The following QKI variants were observed in gnomAD, a reference collection of about 807,000 sequenced individuals.
The protein encoded by QKI is QKI, KH domain containing RNA binding, also known as KH domain-containing RNA-binding protein QKI.
A neutral mutation model predicts 39.0 loss-of-function variants in QKI; 10 were observed. The observed-to-expected ratio is 0.26, with a 90% CI of 0.16 to 0.43. The LOEUF is 0.43. Among genes scored for constraint, QKI ranks in the 20% least tolerant of loss-of-function variants. The pLI is 1.00. For missense variants in QKI, 218 were observed against 428.0 expected (o/e 0.51, Z 4.33); for synonymous variants, 204 against 155.4 (o/e 1.31, Z -2.33).
At chr6:163,415,382 G>T in intron 1 of QKI, 47 bp downstream of exon 1, 1 of 1,546,152 alleles carries the variant, frequency 6.5e-7, no homozygotes, top group Non-Finnish European at 8.8e-7. Flanking sequence ...CCGCCGGGGC[G>T]GCCCCTTTCC....
rs1012724111 is a variant in QKI, at chr6:163,572,139, T to C, written c.*1429T>C. ...CTTTAAAAGAATAGTTTAATACTTT[T>C]GGTTATTCCAATCTTCAATGTTAAC... is the stretch of plus-strand genomic sequence containing the variant. On this transcript the variant is annotated 3_prime_UTR_variant, in exon 8 of 8. Transcript: ENST00000361752. 2 of 152,262 alleles carry C rather than the reference T, an allele frequency of 1.3e-5. No homozygotes were observed. Among genetic ancestry groups the C allele is most frequent in the African/African-American group, 2.4e-5 (1 of 41,482 alleles). 9.4% of individuals were successfully genotyped at this position (152,262 alleles called of 1,614,324 possible).
chr6:163,456,398 A>G (rs549979343), intron 2 of QKI, among the ~76,000 whole-genome samples: 2 of 152,310 alleles, frequency 1.3e-5, no homozygotes, highest in African/African-American at 2.4e-5. Context: ...ATTGGCACAT[A>G]ATAGGTAACA....
intron 3 of QKI, among the ~76,000 whole-genome samples, chr6:163,532,389 TTTC>T (rs1780922007): frequency 6.6e-6 from 1 of 152,244 alleles, no homozygotes; most frequent in East Asian, 1.9e-4. Context: ...GTATTGCATT[TTTC>T]TTGCTGCTTT....
intron 4 of QKI, among the ~76,000 whole-genome samples, chr6:163,550,962 A>AG (rs1554277519): frequency 6.6e-6 from 1 of 150,910 alleles, no homozygotes; most frequent in East Asian, 2.0e-4. Flanking sequence ...AAAAAAAAAA[A>AG]GCTGCTTCTG....
At chr6:163,568,863 T>C in intron 7 of QKI, 1 of 985,832 alleles carries the variant, frequency 1.0e-6, no homozygotes, top group Non-Finnish European at 1.2e-6. Flanking sequence ...TGTAATGAAC[T>C]GTATGGTCTT....
intron 6 of QKI, chr6:163,565,126 A>G (rs879018338): frequency 9.9e-7 from 1 of 1,008,274 alleles, no homozygotes; most frequent in Admixed American, 5.3e-5. Flanking sequence ...GCAGGTCAGA[A>G]TTATACCACA....
intron 1 of QKI, among the ~76,000 whole-genome samples, chr6:163,418,637 A>T (rs903438527): frequency 6.6e-6 from 1 of 152,148 alleles, no homozygotes; most frequent in Non-Finnish European, 1.5e-5. Context: ...GAAACCTTTT[A>T]TTGAAGATAG....
intron 6 of QKI, chr6:163,565,403 T>A: frequency 1.0e-6 from 1 of 985,972 alleles, no homozygotes; most frequent in East Asian, 1.1e-4. Flanking sequence ...CTCCCTGATT[T>A]TGCCACGTGG....
intron 2 of QKI, among the ~76,000 whole-genome samples, chr6:163,462,389 C>T (rs899730816): frequency 6.6e-6 from 1 of 152,190 alleles, no homozygotes; most frequent in Non-Finnish European, 1.5e-5. Context: ...TCAGTGTCAT[C>T]AATAAGCAGC....
intron 4 of QKI, among the ~76,000 whole-genome samples, chr6:163,550,158 G>A (rs1042662326): frequency 2.6e-5 from 4 of 152,188 alleles, no homozygotes; most frequent in Non-Finnish European, 4.4e-5. Context: ...TATGGAGGCT[G>A]GGAAGTCTAA....
chr6:163,481,294 A>T (rs1035542774), intron 3 of QKI, among the ~76,000 whole-genome samples: 1 of 152,200 alleles, frequency 6.6e-6, no homozygotes, highest in African/African-American at 2.4e-5. Context: ...ATATGTGTGT[A>T]TATACTGATT....
Position 163,563,725 on chromosome 6 carries a change from T to C in QKI, c.934+6T>C, listed in dbSNP as rs1783175609. On this transcript the variant is annotated splice_donor_region_variant and intron_variant, in intron 6 of 7. Transcript: ENST00000361752. ...TGAACCTAGTGGTGTATTAGGTAAG[T>C]TCTTCTCCCCATGGGGTTAACAACA... The C allele has an allele frequency of 6.2e-7, 1 of 1,610,174 alleles. No individual in the cohort carries two copies. Among genetic ancestry groups the C allele is most frequent in the Admixed American group, 1.7e-5 (1 of 59,760 alleles).
intron 3 of QKI, among the ~76,000 whole-genome samples, chr6:163,532,035 C>T (rs775478488): frequency 1.3e-5 from 2 of 152,146 alleles, no homozygotes; most frequent in African/African-American, 2.4e-5. Flanking sequence ...TACGCATTGG[C>T]CAAGTGTTTT....
intron 3 of QKI, among the ~76,000 whole-genome samples, chr6:163,523,662 A>T (rs1168634477): frequency 6.6e-6 from 1 of 152,228 alleles, no homozygotes; most frequent in Non-Finnish European, 1.5e-5. Context: ...ATTCAGAGCT[A>T]CTTTGTTTAT....
At chr6:163,507,587 C>G (rs539069676) in intron 3 of QKI, among the ~76,000 whole-genome samples, 1 of 152,130 alleles carries the variant, frequency 6.6e-6, no homozygotes, top group Non-Finnish European at 1.5e-5. Flanking sequence ...ACGGGAATCC[C>G]CAAATTGTAG....
At chr6:163,479,035 C>T (rs1792853839) in intron 3 of QKI, 139 bp downstream of exon 3, 1 of 635,068 alleles carries the variant, frequency 1.6e-6, no homozygotes, top group South Asian at 2.4e-5. Flanking sequence ...CCTGTAATCC[C>T]AGCACTTTGG....
At chr6:163,493,524 A>G (rs1038828550) in intron 3 of QKI, among the ~76,000 whole-genome samples, 2 of 152,218 alleles carry the variant, frequency 1.3e-5, no homozygotes, top group Admixed American at 6.5e-5. Flanking sequence ...TGTTTTTACT[A>G]TAAAAATGCT....
intron 7 of QKI, chr6:163,569,904 C>T (rs1783604835): frequency 4.1e-6 from 4 of 986,840 alleles, no homozygotes; most frequent in Admixed American, 6.2e-5. Flanking sequence ...TTTTAAATGG[C>T]AGGATTTTAC....
At chr6:163,508,532 C>CT (rs796358857) in intron 3 of QKI, among the ~76,000 whole-genome samples, 31 of 4,492 alleles carry the variant, frequency 6.9e-3, no homozygotes, top group Non-Finnish European at 8.8e-3. Context: ...TTCTTTCTTT[C>CT]TTTTTTTTTT....
Sources: allele counts gnomAD v4.1 joint callset (sites outside exome capture counted in the v4.1 genomes callset), GRCh38; gene constraint gnomAD v4.1.1; transcripts MANE v1.5; gene names NCBI Gene and HGNC (gene_info 2026-07-23, HGNC 2026-07-21).